Variants in PRICKLE1 observed in about 807,000 individuals in gnomAD.
The protein encoded by PRICKLE1 is prickle-like protein 1.
Under a neutral mutation model 70.2 loss-of-function variants are expected in PRICKLE1, and 14 were observed. The ratio of observed to expected loss-of-function variants is 0.20; its 90% CI spans 0.13 to 0.31. PRICKLE1 has a LOEUF of 0.31. PRICKLE1 is among the 10% of genes least tolerant of loss of function. The pLI, the probability that PRICKLE1 is intolerant of heterozygous loss-of-function variation, is 1.00. For missense variants in PRICKLE1, 821 were observed against 1,026.2 expected (o/e 0.80, Z 2.73); for synonymous variants, 357 against 379.9 (o/e 0.94, Z 0.70).
intron 1 of PRICKLE1, among the ~76,000 whole-genome samples, chr12:42,528,547 T>C (rs1300580968): frequency 6.6e-6 from 1 of 152,226 alleles, no homozygotes; most frequent in African/African-American, 2.4e-5. Context: ...TTAAATGTCA[T>C]TTCATAATAA....
chr12:42,552,706 A>G (rs1199508366), intron 1 of PRICKLE1, among the ~76,000 whole-genome samples: 1 of 152,218 alleles, frequency 6.6e-6, no homozygotes, highest in African/African-American at 2.4e-5. Flanking sequence ...CAGCACTTGT[A>G]TTAGGAACGT....
At chr12:42,513,313 C>T (rs10785343) in intron 1 of PRICKLE1, among the ~76,000 whole-genome samples, 71,558 of 152,008 alleles carry the variant, frequency 0.47, 17,417 homozygotes, top group East Asian at 0.71. Flanking sequence ...CACTAGAATG[C>T]AAGCTCTACA....
At chr12:42,530,835 C>G (rs1481883168) in intron 1 of PRICKLE1, among the ~76,000 whole-genome samples, 2 of 150,372 alleles carry the variant, frequency 1.3e-5, no homozygotes, top group Admixed American at 1.3e-4. Context: ...TACAGGTGCC[C>G]GGCACCTGTA....
intron 1 of PRICKLE1, among the ~76,000 whole-genome samples, chr12:42,495,229 A>T (rs1041597166): frequency 2.6e-5 from 4 of 151,170 alleles, no homozygotes; most frequent in Non-Finnish European, 5.9e-5. Context: ...AACAAAACAA[A>T]ACAAAAATTA....
At chr12:42,562,502 T>G (rs1940533477) in intron 1 of PRICKLE1, among the ~76,000 whole-genome samples, 1 of 151,624 alleles carries the variant, frequency 6.6e-6, no homozygotes, top group Admixed American at 6.6e-5. Flanking sequence ...CTACTGAAAA[T>G]ACCAAAACAC....
chr12:42,563,576 A>G (rs958838907), intron 1 of PRICKLE1, among the ~76,000 whole-genome samples: 1 of 150,986 alleles, frequency 6.6e-6, no homozygotes, highest in Non-Finnish European at 1.5e-5. Context: ...GGTGATGGGC[A>G]CCTGTAGTCC....
intron 1 of PRICKLE1, among the ~76,000 whole-genome samples, chr12:42,537,692 A>G (rs937880540): frequency 2.6e-5 from 4 of 152,200 alleles, no homozygotes; most frequent in Non-Finnish European, 4.4e-5. Flanking sequence ...TTTTCTGAAT[A>G]TTTCATATGT....
At chr12:42,488,111 T>C (rs1939021860) in intron 1 of PRICKLE1, among the ~76,000 whole-genome samples, 1 of 152,126 alleles carries the variant, frequency 6.6e-6, no homozygotes, top group Non-Finnish European at 1.5e-5. Context: ...TTTGTTGAAG[T>C]TCTGGACTGG....
intron 1 of PRICKLE1, among the ~76,000 whole-genome samples, chr12:42,588,006 G>C (rs564144891): frequency 6.6e-6 from 1 of 151,966 alleles, no homozygotes; most frequent in South Asian, 2.1e-4. Context: ...GGTCAAACAA[G>C]GCTGCCGGCT....
At chr12:42,547,433 C>T (rs1940233996) in intron 1 of PRICKLE1, among the ~76,000 whole-genome samples, 1 of 152,184 alleles carries the variant, frequency 6.6e-6, no homozygotes, top group African/African-American at 2.4e-5. Flanking sequence ...AGGCCAGCAG[C>T]ACCATGCCAT....
intron 1 of PRICKLE1, among the ~76,000 whole-genome samples, chr12:42,585,846 C>T (rs370525768): frequency 6.6e-5 from 10 of 152,212 alleles, no homozygotes; most frequent in African/African-American, 1.9e-4. Flanking sequence ...GCAGATGAAG[C>T]GCTACATTTC....
At chr12:42,527,957 ATATATATATATATATCTC>A (rs1566114343) in intron 1 of PRICKLE1, among the ~76,000 whole-genome samples, 3 of 26,338 alleles carry the variant, frequency 1.1e-4, no homozygotes, top group Non-Finnish European at 1.5e-4. Context: ...ATATATATAT[ATATATATATATATATCTC>A]CAAAGTTTTA....
chr12:42,517,460 C>T, intron 1 of PRICKLE1, among the ~76,000 whole-genome samples: 1 of 151,760 alleles, frequency 6.6e-6, no homozygotes, highest in South Asian at 2.1e-4. Flanking sequence ...CTACAGGCGC[C>T]CGCCACCACG....
chr12:42,472,817 C>G (rs1400698990), intron 1 of PRICKLE1, among the ~76,000 whole-genome samples: 1 of 152,144 alleles, frequency 6.6e-6, no homozygotes, highest in East Asian at 1.9e-4. Flanking sequence ...TTTCCAGGAG[C>G]CTTTAAAAGG....
At chr12:42,566,636 T>C (rs1940625177) in intron 1 of PRICKLE1, among the ~76,000 whole-genome samples, 1 of 152,242 alleles carries the variant, frequency 6.6e-6, no homozygotes, top group Admixed American at 6.5e-5. Flanking sequence ...TAGGATTAAA[T>C]GAGAATGTGT....
At chr12:42,478,823 G>A (rs1030634496) in intron 1 of PRICKLE1, among the ~76,000 whole-genome samples, 13 of 150,674 alleles carry the variant, frequency 8.6e-5, no homozygotes, top group African/African-American at 1.2e-4. Flanking sequence ...CCTTTCTCTC[G>A]CCTCTTCCTT....
chr12:42,506,264 T>TG (rs1566105966), intron 1 of PRICKLE1, among the ~76,000 whole-genome samples: 6 of 145,246 alleles, frequency 4.1e-5, no homozygotes, highest in African/African-American at 1.3e-4. Context: ...TCTTTCTTTT[T>TG]TTTTTTTTTT....
intron 1 of PRICKLE1, among the ~76,000 whole-genome samples, chr12:42,474,133 G>A (rs1220141976): frequency 3.3e-5 from 5 of 152,242 alleles, no homozygotes; most frequent in East Asian, 1.9e-4. Flanking sequence ...TTAGCCAGGC[G>A]TGGTGGTGGG....
chr12:42,460,436 C>G lies in PRICKLE1; in HGVS notation c.1869G>C (p.Lys623Asn), dbSNP rs150809651. The change falls in exon 8 of 8, where the codon AAG (lysine) becomes AAC (asparagine). Residue 623 changes from lysine to asparagine, a missense_variant. Lys to Asn is a moderately conservative substitution (Grantham distance 94). Coordinates refer to ENST00000345127, the MANE Select transcript of PRICKLE1 (RefSeq NM_153026.3). ...PVHLPVLRRS[K>N]SQSRPQQVKF... ...TGACCTGCTGGGGTCTGGATTGAGA[C>G]TTGGACCTTCTGAGCACTGGCAGAT... is the stretch of plus-strand genomic sequence containing the variant. 6.2e-7 allele frequency: 1 copy of G among 1,614,008 alleles called. No homozygotes were observed. Among genetic ancestry groups the G allele is most frequent in the African/African-American group, 1.3e-5 (1 of 74,906 alleles).
Sources: gnomAD v4.1 joint callset for allele counts (sites outside exome capture counted in the v4.1 genomes callset) on GRCh38, gnomAD v4.1.1 for gene constraint, MANE v1.5 for transcripts, NCBI Gene and HGNC (gene_info 2026-07-23, HGNC 2026-07-21) for gene names.